The following TRAPPC12 variants were observed in gnomAD, a reference collection of about 807,000 sequenced individuals.
TRAPPC12 encodes TPR repeat protein 15.
A neutral mutation model predicts 69.2 loss-of-function variants in TRAPPC12; 61 were observed. That is an observed-to-expected ratio of 0.88 (90% CI 0.72 to 1.09). The LOEUF (loss-of-function observed/expected upper bound fraction) is 1.09, where lower values mean the gene tolerates loss of function less well. TRAPPC12 is among the 50% of genes least tolerant of loss of function. The probability of loss-of-function intolerance (pLI) is 0.00; values close to 1 mark genes in which losing one functional copy is unlikely to be tolerated. For missense variants in TRAPPC12, 1,101 were observed against 1,016.4 expected (o/e 1.08, Z -1.13); for synonymous variants, 469 against 438.9 (o/e 1.07, Z -0.86).
At position 3,388,172 on chromosome 2, in the gene TRAPPC12, C is replaced by T; in HGVS notation, c.549C>T (p.Pro183=). ...TCGAGCCGCAGATGGTGAAGTCGCCCAGCTTCGGTGGCGCCAGCGAGGCCT... is the reference window on the plus strand; with the variant it reads ...TCGAGCCGCAGATGGTGAAGTCGCCTAGCTTCGGTGGCGCCAGCGAGGCCT... ...DGFEPQMVKS[P]SFGGASEASA... Residue 183 remains proline (P), a synonymous_variant, in exon 2 of 12, where the codon CCC becomes CCT. Transcript: ENST00000324266. 1 of 1,608,534 alleles carries T rather than the reference C, an allele frequency of 6.2e-7. No homozygotes were observed. The highest frequency in any genetic ancestry group is 1.1e-5 in the South Asian group (1 of 90,786).
chr2:3,460,455 C>A (rs763321388), intron 8 of TRAPPC12, 119 bp downstream of exon 8: 7 of 665,156 alleles, frequency 1.1e-5, no homozygotes, highest in Non-Finnish European at 1.9e-5. Flanking sequence ...GAGAAGCCAG[C>A]TAAGTACTGG....
intron 1 of TRAPPC12, among the ~76,000 whole-genome samples, chr2:3,380,156 C>T (rs950790442): frequency 3.3e-5 from 5 of 152,194 alleles, no homozygotes; most frequent in African/African-American, 1.2e-4. Context: ...GGGGAAGCTG[C>T]TGCGAAGCGT....
At chr2:3,469,015 CAAATG>C (rs1049117253) in intron 9 of TRAPPC12, among the ~76,000 whole-genome samples, 1 of 152,208 alleles carries the variant, frequency 6.6e-6, no homozygotes, top group African/African-American at 2.4e-5. Flanking sequence ...AGAAAGAACT[CAAATG>C]GAATGAACAC....
intron 3 of TRAPPC12, among the ~76,000 whole-genome samples, chr2:3,418,714 C>G (rs528564323): frequency 6.6e-6 from 1 of 152,176 alleles, no homozygotes; most frequent in Non-Finnish European, 1.5e-5. Flanking sequence ...AGGATGTGCA[C>G]AGATTGCCAG....
intron 2 of TRAPPC12, chr2:3,389,572 G>A: frequency 2.3e-6 from 1 of 439,064 alleles, no homozygotes; most frequent in Non-Finnish European, 4.8e-6. Flanking sequence ...AGCTCTTTTC[G>A]ACCCGCATCT....
At chr2:3,459,464 C>T (rs1665367618) in intron 7 of TRAPPC12, among the ~76,000 whole-genome samples, 1 of 152,160 alleles carries the variant, frequency 6.6e-6, no homozygotes, top group African/African-American at 2.4e-5. Context: ...GGTCAGCCCA[C>T]CCTCCCCCCA....
chr2:3,441,233 C>CT (rs1664183171), intron 5 of TRAPPC12, among the ~76,000 whole-genome samples: 1 of 152,076 alleles, frequency 6.6e-6, no homozygotes, highest in Admixed American at 6.6e-5. Flanking sequence ...TCCTCTGCTT[C>CT]TGTTTTCTGA....
Position 3,381,547 on chromosome 2 carries a change from A to T in TRAPPC12, c.-5+1671A>T, listed in dbSNP as rs921468812. Among the ~76,000 whole-genome samples, 2 of 152,224 alleles carry T rather than the reference A, an allele frequency of 1.3e-5. 1 individual carries two copies. The highest frequency in any genetic ancestry group is 4.1e-4 in the South Asian group (2 of 4,832). ...CTTCTGTAAGCTTATGTAAGCTTAA[A>T]ATCCTATTTATAGTTTAATAAAAAT... On this transcript the variant is annotated intron_variant, in intron 1 of 11. Transcript: ENST00000324266.
intron 2 of TRAPPC12, among the ~76,000 whole-genome samples, chr2:3,396,776 T>C (rs1661156868): frequency 6.6e-6 from 1 of 152,252 alleles, no homozygotes; most frequent in Non-Finnish European, 1.5e-5. Context: ...AATTTTTATT[T>C]GGTTCTTTTT....
chr2:3,408,039 A>C (rs995838222), intron 3 of TRAPPC12, among the ~76,000 whole-genome samples: 1 of 152,098 alleles, frequency 6.6e-6, no homozygotes, highest in East Asian at 1.9e-4. Context: ...GCATTTGTCC[A>C]TTAAACAAGA....
In TRAPPC12 at chr2:3,382,196, A is replaced by G. The variant is rs957958851; in HGVS notation, c.-5+2320A>G. On this transcript the variant is annotated intron_variant, in intron 1 of 11. Transcript: ENST00000324266. ...TGCCGCCAGGCTGGAGTGCAGTGGC[A>G]CGATCTTGGCTCACTGCAACCTCCG... Among the ~76,000 whole-genome samples the G allele has an allele frequency of 5.8e-5, 8 of 137,998 alleles. 1 individual carries two copies. The highest frequency in any genetic ancestry group is 1.6e-4 in the Admixed American group (2 of 12,214). The allele number at this position is 137,998 out of a possible 152,430, so 90.5% of individuals were successfully genotyped here. A position where few individuals can be genotyped will look rare whatever the true frequency, so the allele number is the denominator to read the frequency against.
intron 9 of TRAPPC12, among the ~76,000 whole-genome samples, chr2:3,473,500 G>A (rs1259549689): frequency 1.3e-5 from 2 of 152,158 alleles, no homozygotes; most frequent in Non-Finnish European, 2.9e-5. Flanking sequence ...CTGTTTTTGA[G>A]ACGAGGCCTC....
intron 5 of TRAPPC12, among the ~76,000 whole-genome samples, chr2:3,428,603 A>G (rs148108690): frequency 6.6e-6 from 1 of 152,392 alleles, no homozygotes; most frequent in East Asian, 1.9e-4. Flanking sequence ...AAAAAAATTC[A>G]TCCAAGAAAG....
intron 2 of TRAPPC12, among the ~76,000 whole-genome samples, chr2:3,401,216 C>T (rs1661426465): frequency 1.3e-5 from 2 of 152,242 alleles, no homozygotes; most frequent in African/African-American, 4.8e-5. Flanking sequence ...CTGGTGACCT[C>T]AGCACTGAAG....
At chr2:3,476,783 G>T (rs1030962085) in intron 9 of TRAPPC12, among the ~76,000 whole-genome samples, 3 of 152,166 alleles carry the variant, frequency 2.0e-5, no homozygotes, top group African/African-American at 7.2e-5. Flanking sequence ...TCATGGAGGT[G>T]AGCCGCGCGC....
At chr2:3,470,791 G>C (rs1019442788) in intron 9 of TRAPPC12, among the ~76,000 whole-genome samples, 19 of 152,118 alleles carry the variant, frequency 1.2e-4, no homozygotes, top group Non-Finnish European at 2.2e-4. Flanking sequence ...ATTCTAAAGA[G>C]TGGAAATAGA....
At chr2:3,395,416 T>C (rs1661070991) in intron 2 of TRAPPC12, among the ~76,000 whole-genome samples, 1 of 147,448 alleles carries the variant, frequency 6.8e-6, no homozygotes, top group South Asian at 2.1e-4. Flanking sequence ...ACAATAGATG[T>C]GTTGCAATTT....
intron 3 of TRAPPC12, among the ~76,000 whole-genome samples, chr2:3,413,201 C>T (rs115020555): frequency 1.0e-3 from 154 of 152,282 alleles, no homozygotes; most frequent in African/African-American, 3.2e-3. Context: ...TTCTTTAGGA[C>T]TCTGGTTTTT....
intron 2 of TRAPPC12, among the ~76,000 whole-genome samples, chr2:3,396,452 G>A (rs566568576): frequency 1.9e-4 from 29 of 152,094 alleles, no homozygotes; most frequent in Middle Eastern, 3.4e-3. Context: ...TATTTTGCTC[G>A]GCATTCATTG....
Sources: allele counts gnomAD v4.1 joint callset (sites outside exome capture counted in the v4.1 genomes callset), GRCh38; gene constraint gnomAD v4.1.1; transcripts MANE v1.5; gene names NCBI Gene and HGNC (gene_info 2026-07-23, HGNC 2026-07-21).